ITFG1: variants seen among roughly 807,000 people sequenced by gnomAD.
ITFG1 encodes the protein T-cell immunomodulatory protein.
Under a neutral mutation model 81.8 loss-of-function variants are expected in ITFG1, and 34 were observed. That is an observed-to-expected ratio of 0.42 (90% CI 0.32 to 0.55). The LOEUF (loss-of-function observed/expected upper bound fraction) is 0.55. ITFG1 is among the 20% of genes least tolerant of loss of function. ITFG1 has a pLI of 0.17. For synonymous variants in ITFG1, 285 were observed against 270.6 expected (o/e 1.05, Z -0.52); for missense variants, 672 against 755.4 (o/e 0.89, Z 1.29).
intron 8 of ITFG1, among the ~76,000 whole-genome samples, chr16:47,315,591 A>G (rs376327591): frequency 6.6e-6 from 1 of 152,066 alleles, no homozygotes; most frequent in Non-Finnish European, 1.5e-5. Flanking sequence ...CTCTTTTGAC[A>G]ATGAATTGGC....
chr16:47,353,761 A>G (rs1184459375), intron 8 of ITFG1, among the ~76,000 whole-genome samples: 2 of 152,152 alleles, frequency 1.3e-5, no homozygotes, highest in Non-Finnish European at 2.9e-5. Context: ...AACTATCTGA[A>G]AAAGAAATCA....
chr16:47,414,711 G>T (rs1968853299), intron 6 of ITFG1, among the ~76,000 whole-genome samples: 1 of 152,088 alleles, frequency 6.6e-6, no homozygotes, highest in South Asian at 2.1e-4. Context: ...GCATGTATCT[G>T]CAAAGAACAC....
intron 14 of ITFG1, among the ~76,000 whole-genome samples, chr16:47,206,819 T>C (rs1965505595): frequency 6.6e-6 from 1 of 152,238 alleles, no homozygotes; most frequent in Admixed American, 6.5e-5. Context: ...TGTGAGCTGC[T>C]GGCATCTTGT....
chr16:47,273,500 T>A (rs1966364988), intron 10 of ITFG1, among the ~76,000 whole-genome samples: 1 of 152,184 alleles, frequency 6.6e-6, no homozygotes, highest in South Asian at 2.1e-4. Context: ...CAAGAAATAG[T>A]CAAAGGCAAT....
In ITFG1 at chr16:47,433,356, C is replaced by T. The variant is rs374809603; in HGVS notation, c.561-4458G>A. Among the ~76,000 whole-genome samples, 4 of 152,316 alleles carry T rather than the reference C, an allele frequency of 2.6e-5. No individual in the cohort carries two copies. In the East Asian group the frequency reaches 5.8e-4, roughly 22 times the overall value. On this transcript the variant is annotated intron_variant, in intron 5 of 17. Coordinates refer to ENST00000320640, the MANE Select transcript of ITFG1 (RefSeq NM_030790.5). Reference sequence around the variant, plus strand: ...ATATACAAGTCTGGATTTTCAGCTTCTCTGGAAATATCAGAAATATCAGAA... The same window carrying T: ...ATATACAAGTCTGGATTTTCAGCTTTTCTGGAAATATCAGAAATATCAGAA...
intron 14 of ITFG1, among the ~76,000 whole-genome samples, chr16:47,198,832 A>AT (rs1180382516): frequency 6.6e-6 from 1 of 152,210 alleles, no homozygotes; most frequent in Admixed American, 6.5e-5. Flanking sequence ...ATTAAAAAAA[A>AT]TTTTTGTACA....
intron 6 of ITFG1, among the ~76,000 whole-genome samples, chr16:47,387,991 T>G: frequency 6.6e-6 from 1 of 150,634 alleles, no homozygotes; most frequent in East Asian, 1.9e-4. Context: ...TTATCAAATA[T>G]AAAATATCCA....
chr16:47,215,415 A>G (rs998041860), intron 14 of ITFG1, among the ~76,000 whole-genome samples: 3 of 152,244 alleles, frequency 2.0e-5, no homozygotes, highest in African/African-American at 7.2e-5. Flanking sequence ...TATGTTTGAA[A>G]TATTTTAAAA....
chr16:47,361,147 T>C (rs918193296), intron 8 of ITFG1, among the ~76,000 whole-genome samples: 20 of 152,212 alleles, frequency 1.3e-4, no homozygotes, highest in African/African-American at 4.6e-4. Context: ...CAATTCATCA[T>C]GCCCAGTATT....
chr16:47,414,576 A>C (rs763576608), intron 6 of ITFG1, among the ~76,000 whole-genome samples: 1 of 151,430 alleles, frequency 6.6e-6, no homozygotes, highest in Non-Finnish European at 1.5e-5. Flanking sequence ...ACAACAACAA[A>C]ATCCCCCAAA....
At chr16:47,421,447 G>T (rs577146445) in intron 6 of ITFG1, among the ~76,000 whole-genome samples, 17 of 152,100 alleles carry the variant, frequency 1.1e-4, no homozygotes, top group African/African-American at 3.9e-4. Context: ...TGGGACTACA[G>T]GCGCGTACCA....
chr16:47,454,169 C>G lies in ITFG1; in HGVS notation c.282-11G>C, dbSNP rs375056874. The G allele has an allele frequency of 6.3e-7, 1 of 1,584,902 alleles. No individual in the cohort carries two copies. The highest frequency in any genetic ancestry group is 8.6e-7 in the Non-Finnish European group (1 of 1,161,092). On this transcript the variant is annotated splice_polypyrimidine_tract_variant and intron_variant, in intron 2 of 17. Coordinates refer to ENST00000320640, the MANE Select transcript of ITFG1 (RefSeq NM_030790.5). ...AATGCACTGTGATTCCTAAAAGAAACAAGCATTTACAAATATCAGACAAGT... is the reference window on the plus strand; with the variant it reads ...AATGCACTGTGATTCCTAAAAGAAAGAAGCATTTACAAATATCAGACAAGT...
At chr16:47,411,380 G>T (rs1968808583) in intron 6 of ITFG1, among the ~76,000 whole-genome samples, 1 of 152,108 alleles carries the variant, frequency 6.6e-6, no homozygotes, top group South Asian at 2.1e-4. Context: ...TAGCTGGTTG[G>T]GGCAGATACC....
intron 13 of ITFG1, among the ~76,000 whole-genome samples, chr16:47,227,824 ATAT>A (rs1325105648): frequency 1.3e-5 from 2 of 152,338 alleles, no homozygotes; most frequent in East Asian, 3.8e-4. Context: ...TGATTCTAAA[ATAT>A]TAGAAAAATA....
intron 5 of ITFG1, among the ~76,000 whole-genome samples, chr16:47,438,190 C>T (rs1969194628): frequency 6.6e-6 from 1 of 152,248 alleles, no homozygotes; most frequent in Non-Finnish European, 1.5e-5. Flanking sequence ...CCTGGAAGCT[C>T]AAACTGGGTG....
At chr16:47,183,346 G>C (rs1965159434) in intron 14 of ITFG1, among the ~76,000 whole-genome samples, 1 of 152,168 alleles carries the variant, frequency 6.6e-6, no homozygotes, top group Non-Finnish European at 1.5e-5. Context: ...CAAACAAAAA[G>C]ACAGCAGTAA....
At chr16:47,281,583 T>C (rs1304273489) in intron 10 of ITFG1, among the ~76,000 whole-genome samples, 6 of 152,182 alleles carry the variant, frequency 3.9e-5, no homozygotes, top group African/African-American at 1.4e-4. Context: ...CTATGATCTA[T>C]TTCACTTTGA....
chr16:47,353,517 CT>C (rs1349544281), intron 8 of ITFG1, among the ~76,000 whole-genome samples: 2 of 151,794 alleles, frequency 1.3e-5, no homozygotes, highest in Non-Finnish European at 2.9e-5. Flanking sequence ...AGTTTCACCA[CT>C]TGTATTAAAA....
intron 7 of ITFG1, among the ~76,000 whole-genome samples, chr16:47,372,927 C>T (rs374754726): frequency 6.6e-6 from 1 of 152,190 alleles, no homozygotes; most frequent in African/African-American, 2.4e-5. Context: ...ACTTTAATCT[C>T]CCTACGTCCA....
Sources: allele counts gnomAD v4.1 joint callset (sites outside exome capture counted in the v4.1 genomes callset), GRCh38; gene constraint gnomAD v4.1.1; transcripts MANE v1.5; gene names NCBI Gene and HGNC (gene_info 2026-07-23, HGNC 2026-07-21).